The following RERG variants were observed in gnomAD, a reference collection of about 807,000 sequenced individuals.
RERG encodes the protein RAS like estrogen regulated growth inhibitor, also known as ras-related and estrogen-regulated growth inhibitor.
In RERG, 25 loss-of-function variants were observed where a neutral mutation model predicts 23.2. The ratio of observed to expected loss-of-function variants is 1.08; its 90% CI spans 0.79 to 1.50. The LOEUF is 1.50. Among genes scored for constraint, RERG ranks in the 40% most tolerant of loss-of-function variants. The pLI, the probability that RERG is intolerant of heterozygous loss-of-function variation, is 0.00. For synonymous variants in RERG, 81 were observed against 89.1 expected, an observed-to-expected ratio of 0.91 and a Z score of 0.51; for missense variants, 253 against 250.1, an observed-to-expected ratio of 1.01 and a Z score of -0.08.
At chr12:15,216,368 TA>T (rs1431438044) in intron 2 of RERG, among the ~76,000 whole-genome samples, 1 of 152,032 alleles carries the variant, frequency 6.6e-6, no homozygotes, top group African/African-American at 2.4e-5. Flanking sequence ...TTGAGAAAAT[TA>T]AAAGAAAAAC....
intron 2 of RERG, among the ~76,000 whole-genome samples, chr12:15,172,767 T>C (rs1439857664): frequency 1.3e-5 from 2 of 152,120 alleles, no homozygotes; most frequent in Non-Finnish European, 2.9e-5. Flanking sequence ...TTATTATTCA[T>C]TGTATATCTT....
chr12:15,187,103 C>G (rs1865003201), intron 2 of RERG, among the ~76,000 whole-genome samples: 1 of 152,104 alleles, frequency 6.6e-6, no homozygotes, highest in Non-Finnish European at 1.5e-5. Flanking sequence ...TCCACTATTT[C>G]AGGCTAAACT....
chr12:15,188,621 C>CT (rs1265778007), intron 2 of RERG, among the ~76,000 whole-genome samples: 1 of 152,124 alleles, frequency 6.6e-6, no homozygotes, highest in African/African-American at 2.4e-5. Flanking sequence ...TAAAGATGAA[C>CT]TTTTTTAAAA....
intron 2 of RERG, among the ~76,000 whole-genome samples, chr12:15,188,828 G>C (rs1865028853): frequency 6.6e-6 from 1 of 152,148 alleles, no homozygotes; most frequent in Non-Finnish European, 1.5e-5. Flanking sequence ...GAAATCAACT[G>C]TCCTTTCCAT....
At chr12:15,151,914 GTA>G (rs1431866106) in intron 2 of RERG, 2 of 152,142 alleles carry the variant, frequency 1.3e-5, no homozygotes, top group East Asian at 3.8e-4. Flanking sequence ...GATTGGAAAA[GTA>G]TTTTACAATA....
intron 2 of RERG, among the ~76,000 whole-genome samples, chr12:15,200,572 A>G (rs1434749045): frequency 6.6e-6 from 1 of 152,002 alleles, no homozygotes; most frequent in Admixed American, 6.6e-5. Flanking sequence ...CTGCCCTCAT[A>G]AAATGTTTGA....
rs764223358 is a variant in RERG, at chr12:15,109,124, T to G, written c.586A>C (p.Lys196Gln). ...AGCTGGGCTGCCTAACTACTGATTT[T>G]GGTGAGCATCTTGTTAATGGCTTGC... Reference protein sequence around the residue: ...VKQAINKMLTKISS With the variant: ...VKQAINKMLTQISS The change falls in exon 5 of 5, where the codon AAA (lysine) becomes CAA (glutamine). Residue 196 changes from lysine to glutamine, a missense_variant. Coordinates refer to ENST00000256953, the MANE Select transcript of RERG (RefSeq NM_032918.3). 6 of 1,590,694 alleles carry G rather than the reference T, an allele frequency of 3.8e-6. No individual in the cohort carries two copies. The highest frequency in any genetic ancestry group is 1.3e-5 in the African/African-American group (1 of 74,344).
chr12:15,162,656 TTTG>T (rs1431710919), intron 2 of RERG, among the ~76,000 whole-genome samples: 2 of 152,204 alleles, frequency 1.3e-5, no homozygotes, highest in African/African-American at 4.8e-5. Flanking sequence ...GAAGAGCTCT[TTTG>T]TTCTCAAGGA....
chr12:15,142,838 T>G (rs1864260641), intron 2 of RERG, among the ~76,000 whole-genome samples: 1 of 152,204 alleles, frequency 6.6e-6, no homozygotes, highest in Admixed American at 6.6e-5. Context: ...ATCTGTTATA[T>G]TCTCACTTTG....
At chr12:15,219,977 A>G (rs990616551) in intron 1 of RERG, among the ~76,000 whole-genome samples, 4 of 152,228 alleles carry the variant, frequency 2.6e-5, no homozygotes, top group African/African-American at 9.6e-5. Context: ...TTGTCAACCT[A>G]ATTTTATGTT....
At chr12:15,159,099 A>G (rs1029410990) in intron 2 of RERG, among the ~76,000 whole-genome samples, 3 of 152,152 alleles carry the variant, frequency 2.0e-5, no homozygotes, top group African/African-American at 7.2e-5. Flanking sequence ...ATTGGTTGAT[A>G]TTCTATTGTA....
chr12:15,179,509 T>C lies in RERG; in HGVS notation c.61+37920A>G, dbSNP rs553473395. The stretch of plus-strand genomic sequence containing the variant: ...CACCCCACAGTGCTGCAATCAAATG[T>C]ATAATTTTTGTGAATTTCCACCAAA... On this transcript the variant is annotated intron_variant, in intron 2 of 4. Transcript: ENST00000256953. 2.0e-5 allele frequency among the ~76,000 whole-genome samples: 3 copies of C among 152,340 alleles called. No individual in the cohort carries two copies. In the East Asian group the frequency reaches 5.8e-4, roughly 29 times the overall value.
intron 2 of RERG, among the ~76,000 whole-genome samples, chr12:15,212,016 T>C (rs1865372483): frequency 6.8e-6 from 1 of 147,890 alleles, no homozygotes; most frequent in Non-Finnish European, 1.5e-5. Flanking sequence ...ACCTGAAACC[T>C]ATGTGATATT....
intron 2 of RERG, among the ~76,000 whole-genome samples, chr12:15,211,750 C>T (rs1016159495): frequency 3.9e-5 from 6 of 152,040 alleles, no homozygotes; most frequent in East Asian, 3.9e-4. Context: ...TTGATCATTC[C>T]GTAATGCATA....
intron 2 of RERG, among the ~76,000 whole-genome samples, chr12:15,216,324 CAG>C (rs1865440135): frequency 6.6e-6 from 1 of 151,976 alleles, no homozygotes; most frequent in South Asian, 2.1e-4. Flanking sequence ...GCAAACCAAA[CAG>C]AAGAAAATGG....
At chr12:15,167,320 C>A (rs1864709587) in intron 2 of RERG, among the ~76,000 whole-genome samples, 1 of 152,158 alleles carries the variant, frequency 6.6e-6, no homozygotes, top group African/African-American at 2.4e-5. Context: ...TTAGGTTCTG[C>A]ATCAGAAAGA....
chr12:15,139,790 C>A (rs572472370), intron 2 of RERG, among the ~76,000 whole-genome samples: 155 of 152,204 alleles, frequency 1.0e-3, no homozygotes, highest in African/African-American at 3.5e-3. Flanking sequence ...CCTTCCCAAT[C>A]TGCGTATCTT....
intron 2 of RERG, among the ~76,000 whole-genome samples, chr12:15,171,147 T>G (rs1864772377): frequency 6.6e-6 from 1 of 152,220 alleles, no homozygotes; most frequent in African/African-American, 2.4e-5. Flanking sequence ...CTGAGGGATG[T>G]GTGCATTCAC....
intron 2 of RERG, among the ~76,000 whole-genome samples, chr12:15,161,225 A>AGAAAGAAAGAAAGAAAGAAG (rs1864610188): frequency 8.0e-6 from 1 of 125,078 alleles, no homozygotes; most frequent in Non-Finnish European, 1.8e-5. Context: ...AAAGAAAGAA[A>AGAAAGAAAGAAAGAAAGAAG]GAAACAGGGG....
Sources: allele counts gnomAD v4.1 joint callset (sites outside exome capture counted in the v4.1 genomes callset), GRCh38; gene constraint gnomAD v4.1.1; transcripts MANE v1.5; gene names NCBI Gene and HGNC (gene_info 2026-07-23, HGNC 2026-07-21).